Variants in DGKD observed in about 807,000 individuals in gnomAD.
The protein encoded by DGKD is DAG kinase delta.
A neutral mutation model predicts 154.4 loss-of-function variants in DGKD; 68 were observed. That is an observed-to-expected ratio of 0.44 (90% CI 0.36 to 0.54). The LOEUF (loss-of-function observed/expected upper bound fraction) is 0.54. Ranked by LOEUF, DGKD falls within the 20% of genes least tolerant of loss-of-function variation. DGKD has a pLI of 0.00. For missense variants in DGKD, 1,343 were observed against 1,593.6 expected (o/e 0.84, Z 2.68); for synonymous variants, 693 against 638.0 (o/e 1.09, Z -1.30).
chr2:233,370,200 C>T (rs752943170), intron 1 of DGKD, among the ~76,000 whole-genome samples: 3 of 151,996 alleles, frequency 2.0e-5, no homozygotes, highest in Non-Finnish European at 4.4e-5. Context: ...TTTGCCTATT[C>T]TGGATATTTC....
rs1302090372 is a variant in DGKD at position 233,463,679 on chromosome 2, ACG to A, written c.3187-483_3187-482del. Reference sequence around the variant, plus strand: ...CTCACTGCACGCATCTCCTCACTCCACGCATCACCTCACTCCACGCATCACCT... The same window carrying A: ...CTCACTGCACGCATCTCCTCACTCCACATCACCTCACTCCACGCATCACCT... On this transcript the variant is annotated intron_variant, in intron 26 of 29. Coordinates refer to ENST00000264057, the MANE Select transcript of DGKD (RefSeq NM_152879.3). The A allele has an allele frequency of 6.6e-5, 13 of 195,924 alleles. 1 individual carries two copies. Among genetic ancestry groups the A allele is most frequent in the African/African-American group, 3.0e-4 (13 of 42,798 alleles). 12.1% of individuals were successfully genotyped at this position (195,924 alleles called of 1,614,324 possible).
chr2:233,471,886 CAG>C lies in DGKD; in HGVS notation c.*2433_*2434del, dbSNP rs2064025762. 2.0e-5 allele frequency: 3 copies of C among 152,430 alleles called. No homozygotes were observed. The highest frequency in any genetic ancestry group is 7.2e-5 in the African/African-American group (3 of 41,534). 9.4% of individuals were successfully genotyped at this position (152,430 alleles called of 1,614,324 possible). ...CAGACGGGCCTCATGGTCTGCTGTG[CAG>C]AGAGAGGCAGGAAGGATCCCTGAAG... On this transcript the variant is annotated 3_prime_UTR_variant, in exon 30 of 30. Transcript: ENST00000264057.
At chr2:233,434,537 C>G in intron 4 of DGKD, 53 bp downstream of exon 4, 1 of 1,546,052 alleles carries the variant, frequency 6.5e-7, no homozygotes, top group Non-Finnish European at 8.9e-7. Context: ...TCCCTCACCC[C>G]AGTGTCTGCT....
intron 3 of DGKD, among the ~76,000 whole-genome samples, chr2:233,412,258 C>T (rs181717288): frequency 3.3e-5 from 5 of 152,288 alleles, no homozygotes; most frequent in East Asian, 1.9e-4. Flanking sequence ...TACATTAACA[C>T]GATCTCTCTC....
intron 1 of DGKD, among the ~76,000 whole-genome samples, chr2:233,381,533 C>T (rs1052850554): frequency 2.0e-5 from 3 of 152,108 alleles, no homozygotes; most frequent in Non-Finnish European, 4.4e-5. Context: ...GGAATATTAC[C>T]ACCACTTTCA....
chr2:233,360,482 T>C (rs188663633), intron 1 of DGKD, among the ~76,000 whole-genome samples: 1 of 152,236 alleles, frequency 6.6e-6, no homozygotes, highest in East Asian at 1.9e-4. Context: ...GGTCTCAAAC[T>C]CCTGGGCTCA....
chr2:233,466,949 C>T, intron 27 of DGKD, 137 bp from the exon 28 acceptor site: 1 of 695,152 alleles, frequency 1.4e-6, no homozygotes, highest in Non-Finnish European at 2.6e-6. Flanking sequence ...GAGAGAAGCC[C>T]TTTCAGGCAC....
chr2:233,384,912 A>C (rs1030986147), intron 1 of DGKD, among the ~76,000 whole-genome samples: 2 of 152,078 alleles, frequency 1.3e-5, no homozygotes, highest in Non-Finnish European at 2.9e-5. Context: ...TGTCTCAGGC[A>C]GCTCCCTTAT....
At chr2:233,359,063 T>C (rs956033539) in intron 1 of DGKD, among the ~76,000 whole-genome samples, 13 of 152,246 alleles carry the variant, frequency 8.5e-5, no homozygotes, top group African/African-American at 3.1e-4. Context: ...TTATCTCTCT[T>C]TTGATACTAG....
In DGKD at chr2:233,397,836, C is replaced by G. The variant is rs1051790975; in HGVS notation, c.348+7353C>G. On this transcript the variant is annotated intron_variant, in intron 3 of 29. Coordinates refer to ENST00000264057, the MANE Select transcript of DGKD (RefSeq NM_152879.3). Reference sequence around the variant, plus strand: ...GCAGTGGGCAGGCTAGTGATCAGGTCAGAAGGGGGTGGAGTAGATGAAGGT... The same window carrying G: ...GCAGTGGGCAGGCTAGTGATCAGGTGAGAAGGGGGTGGAGTAGATGAAGGT... Among the ~76,000 whole-genome samples the G allele has an allele frequency of 5.0e-4, 75 of 151,080 alleles. 1 individual carries two copies. The highest frequency in any genetic ancestry group is 6.3e-4 in the South Asian group (3 of 4,762).
chr2:233,437,359 C>T lies in DGKD; in HGVS notation c.820-18C>T, dbSNP rs771532022. 13 of 1,611,226 alleles carry T rather than the reference C, an allele frequency of 8.1e-6. No individual in the cohort carries two copies. Among genetic ancestry groups the T allele is most frequent in the Middle Eastern group, 3.3e-4 (2 of 6,076 alleles). ...AGGATGCCAGTGACCCTTGGTGACG[C>T]GGGGACTCTTGTTTCAGGTTCACAC... On this transcript the variant is annotated intron_variant, in intron 7 of 29. Transcript: ENST00000264057.
Position 233,437,476 on chromosome 2 carries a change from G to A in DGKD, c.919G>A (p.Asp307Asn), listed in dbSNP as rs746396816. ...CACGGCTCTCAACAGCATCGACTCC[G>A]ATGGTGGGTACCACACATGCTTATC... ...PPTALNSIDS[D>N]GFWKASCPPS... is the part of the protein sequence containing the mutation. The change falls in exon 8 of 30, where the codon GAT becomes AAT. Residue 307 changes from aspartate (D) to asparagine (N), a missense_variant. Asp to Asn is a conservative substitution (Grantham distance 23, BLOSUM62 1). Coordinates refer to ENST00000264057, the MANE Select transcript of DGKD (RefSeq NM_152879.3). 3 of 1,613,944 alleles carry A rather than the reference G, an allele frequency of 1.9e-6. No individual in the cohort carries two copies. Among genetic ancestry groups the A allele is most frequent in the Non-Finnish European group, 2.5e-6 (3 of 1,179,898 alleles).
At chr2:233,403,539 C>CGACA (rs1229582488) in intron 3 of DGKD, among the ~76,000 whole-genome samples, 4 of 151,314 alleles carry the variant, frequency 2.6e-5, no homozygotes, top group Admixed American at 1.3e-4. Flanking sequence ...CCAGCCTGGG[C>CGACA]GACAGAACAA....
chr2:233,453,991 G>T (rs2124895335), intron 18 of DGKD, among the ~76,000 whole-genome samples: 1 of 152,348 alleles, frequency 6.6e-6, no homozygotes, highest in Middle Eastern at 3.4e-3. Flanking sequence ...GAGTTGAAAT[G>T]TGTGAGTTTC....
intron 3 of DGKD, among the ~76,000 whole-genome samples, chr2:233,415,954 A>G (rs1313322044): frequency 1.3e-5 from 2 of 152,180 alleles, no homozygotes; most frequent in Non-Finnish European, 2.9e-5. Flanking sequence ...GACACCTTTT[A>G]CTGTAGACAA....
rs184365380 is a variant in DGKD at position 233,385,391 on chromosome 2, G to A, written c.157-2866G>A. 2.1e-3 allele frequency among the ~76,000 whole-genome samples: 316 copies of A among 152,192 alleles called. 1 individual carries two copies. The highest frequency in any genetic ancestry group is 6.8e-3 in the Middle Eastern group (2 of 294). Reference sequence around the variant, plus strand: ...CTTGCCTGTGTTTGCTGGTGGGCGCGTGTTCACTTTCCACCTGCTGCTCTC... The same window carrying A: ...CTTGCCTGTGTTTGCTGGTGGGCGCATGTTCACTTTCCACCTGCTGCTCTC... On this transcript the variant is annotated intron_variant, in intron 1 of 29. Transcript: ENST00000264057.
intron 28 of DGKD, 98 bp from the exon 29 acceptor site, chr2:233,468,325 T>C: frequency 6.7e-7 from 1 of 1,491,990 alleles, no homozygotes; most frequent in Non-Finnish European, 9.1e-7. Flanking sequence ...ACGTCTCCTG[T>C]CCTGGCACTG....
rs923279445 is a variant in DGKD at position 233,440,884 on chromosome 2, C to T, written c.1086-1003C>T. ...TGCGAGAGCACGGTGGTGACCTGAG[C>T]GGGTGGCTGGGTTGGGTGTGGAGGA... is the stretch of plus-strand genomic sequence containing the variant. On this transcript the variant is annotated intron_variant, in intron 9 of 29. Transcript: ENST00000264057. The surrounding 1 kb of genome is among the most constrained non-coding windows in gnomAD (Gnocchi z 4.9). Among the ~76,000 whole-genome samples, 5 of 152,034 alleles carry T rather than the reference C, an allele frequency of 3.3e-5. No individual in the cohort carries two copies. The highest frequency in any genetic ancestry group is 2.1e-4 in the South Asian group (1 of 4,822).
In DGKD at chr2:233,468,546, A is replaced by G; in HGVS notation, c.3548A>G (p.Asp1183Gly). Residue 1183 changes from aspartate (D) to glycine (G), a missense_variant, in exon 29 of 30, where the codon GAC becomes GGC. Coordinates refer to ENST00000264057, the MANE Select transcript of DGKD (RefSeq NM_152879.3). ...GSELLHLERR[D>G]LKDLGVTKVG... ...GAGCTCCTGCACCTGGAGCGGAGGG[A>G]CCTCAAGGTACTTCCATAGGCGTCT... The G allele has an allele frequency of 6.2e-7, 1 of 1,613,002 alleles. No homozygotes were observed. The highest frequency in any genetic ancestry group is 8.5e-7 in the Non-Finnish European group (1 of 1,179,774).
Sources: gnomAD v4.1 joint callset for allele counts (sites outside exome capture counted in the v4.1 genomes callset) on GRCh38, gnomAD v4.1.1 for gene constraint, Gnocchi (gnomAD v3.1) non-coding constraint, MANE v1.5 for transcripts, NCBI Gene and HGNC (gene_info 2026-07-23, HGNC 2026-07-21) for gene names.